Variants in FBLN7 observed in about 807,000 individuals in gnomAD.
FBLN7 encodes fibulin 7.
A neutral mutation model predicts 44.0 loss-of-function variants in FBLN7; 31 were observed. That is an observed-to-expected ratio of 0.70 (90% CI 0.53 to 0.95). The LOEUF (loss-of-function observed/expected upper bound fraction) is 0.95, where lower values mean the gene tolerates loss of function less well. Among genes scored for constraint, FBLN7 ranks in the 40% least tolerant of loss-of-function variants. FBLN7 has a pLI of 0.00. For missense variants in FBLN7, 573 were observed against 618.5 expected, an observed-to-expected ratio of 0.93 and a Z score of 0.78; for synonymous variants, 262 against 253.4, an observed-to-expected ratio of 1.03 and a Z score of -0.32.
intron 3 of FBLN7, among the ~76,000 whole-genome samples, chr2:112,175,022 A>T (rs1682665877): frequency 6.6e-6 from 1 of 152,044 alleles, no homozygotes; most frequent in Admixed American, 6.6e-5. Flanking sequence ...AGAGAAAAAA[A>T]GTCTACTGAG....
intron 2 of FBLN7, among the ~76,000 whole-genome samples, chr2:112,164,141 T>C (rs1682014923): frequency 6.6e-6 from 1 of 152,228 alleles, no homozygotes; most frequent in Admixed American, 6.5e-5. Context: ...TCCTGAGGGT[T>C]GGGTTTTGTC....
At chr2:112,210,502 A>G in the FBLN7 span, among the ~76,000 whole-genome samples, 2 of 151,914 alleles carry the variant, frequency 1.3e-5, no homozygotes, top group East Asian at 1.9e-4. Flanking sequence ...CTAAAAATAC[A>G]AAAATTAGCC....
chr2:112,163,508 C>G (rs982737090), intron 2 of FBLN7, among the ~76,000 whole-genome samples: 1 of 152,256 alleles, frequency 6.6e-6, no homozygotes, highest in East Asian at 1.9e-4. Flanking sequence ...ATTCCCTCGT[C>G]GCCCATGCGT....
intron 6 of FBLN7, among the ~76,000 whole-genome samples, chr2:112,184,292 G>A (rs1332562483): frequency 1.3e-5 from 2 of 152,216 alleles, no homozygotes; most frequent in Non-Finnish European, 2.9e-5. Flanking sequence ...GAGGGCAGAG[G>A]GCTCCTCCAT....
intron 3 of FBLN7, among the ~76,000 whole-genome samples, chr2:112,168,672 G>C (rs1682291716): frequency 6.6e-6 from 1 of 152,166 alleles, no homozygotes; most frequent in South Asian, 2.1e-4. Context: ...CGGGACACAG[G>C]CTGGAACTCA....
At chr2:112,196,420 C>T in the FBLN7 span, among the ~76,000 whole-genome samples, 1 of 123,942 alleles carries the variant, frequency 8.1e-6, no homozygotes, top group African/African-American at 3.0e-5. Flanking sequence ...TTTGCTCTGT[C>T]ACCCAGGCTG....
chr2:112,201,805 TAAG>T, the FBLN7 span, among the ~76,000 whole-genome samples: 2 of 152,196 alleles, frequency 1.3e-5, no homozygotes, highest in Admixed American at 6.5e-5. Flanking sequence ...TTGGCTGAAA[TAAG>T]GAGCATTTCT....
At chr2:112,221,512 G>A in the FBLN7 span, among the ~76,000 whole-genome samples, 2 of 152,078 alleles carry the variant, frequency 1.3e-5, no homozygotes, top group Non-Finnish European at 1.5e-5. Flanking sequence ...AAATTACCCA[G>A]TCTAAGGTAT....
chr2:112,160,221 A>G (rs1039321761), intron 2 of FBLN7, among the ~76,000 whole-genome samples: 2 of 152,048 alleles, frequency 1.3e-5, no homozygotes, highest in Admixed American at 6.5e-5. Flanking sequence ...CGATCTCCTG[A>G]CCTCGTGATC....
chr2:112,236,136 C>T, the FBLN7 span, among the ~76,000 whole-genome samples: 9 of 151,916 alleles, frequency 5.9e-5, no homozygotes, highest in South Asian at 2.1e-4. Flanking sequence ...TGGTGGCGGG[C>T]GCCTGTAGTC....
chr2:112,224,233 G>A, the FBLN7 span, among the ~76,000 whole-genome samples: 1 of 152,162 alleles, frequency 6.6e-6, no homozygotes, highest in Non-Finnish European at 1.5e-5. Context: ...GAACGTAAGG[G>A]TGGTTTAGTA....
At chr2:112,147,324 T>C (rs983018792) in intron 1 of FBLN7, among the ~76,000 whole-genome samples, 7 of 152,204 alleles carry the variant, frequency 4.6e-5, no homozygotes, top group African/African-American at 1.7e-4. Flanking sequence ...AGGCACCTAC[T>C]TCTAAATACT....
chr2:112,193,665 A>G, the FBLN7 span, among the ~76,000 whole-genome samples: 3 of 152,324 alleles, frequency 2.0e-5, no homozygotes, highest in East Asian at 5.8e-4. Context: ...GGCCAAATGT[A>G]TATCATCCAC....
chr2:112,140,894 G>A (rs1449568017), intron 1 of FBLN7, among the ~76,000 whole-genome samples: 1 of 152,188 alleles, frequency 6.6e-6, no homozygotes. Context: ...TAATTTTTCT[G>A]TTCTTGCCGT....
intron 1 of FBLN7, among the ~76,000 whole-genome samples, chr2:112,140,277 T>C (rs1375803256): frequency 0.019 from 864 of 46,124 alleles, no homozygotes; most frequent in Middle Eastern, 0.12. Flanking sequence ...TCTCTCCAGG[T>C]CAGTGTCCCT....
intron 5 of FBLN7, 166 bp downstream of exon 5, chr2:112,182,042 T>C: frequency 3.6e-6 from 3 of 839,392 alleles, no homozygotes; most frequent in Non-Finnish European, 1.7e-6. Flanking sequence ...TAGTGATGGC[T>C]AGAAGGCAGC....
chr2:112,160,753 C>T (rs1303494340), intron 2 of FBLN7, among the ~76,000 whole-genome samples: 3 of 36,964 alleles, frequency 8.1e-5, no homozygotes, highest in African/African-American at 4.3e-4. Flanking sequence ...CACGCGCACG[C>T]ACACACGCAC....
chr2:112,209,204 A>G, the FBLN7 span, among the ~76,000 whole-genome samples: 1 of 152,178 alleles, frequency 6.6e-6, no homozygotes, highest in Non-Finnish European at 1.5e-5. Context: ...AAATGAAGAA[A>G]ATGGGATGCA....
At chr2:112,173,614 C>G (rs7590958) in intron 3 of FBLN7, among the ~76,000 whole-genome samples, 3,252 of 152,280 alleles carry the variant, frequency 0.021, 113 homozygotes, top group African/African-American at 0.074. Flanking sequence ...AAATCCTTAG[C>G]TAGGCTTCAT....
Sources: allele counts gnomAD v4.1 joint callset (sites outside exome capture counted in the v4.1 genomes callset), GRCh38; gene constraint gnomAD v4.1.1; transcripts MANE v1.5; gene names NCBI Gene and HGNC (gene_info 2026-07-23, HGNC 2026-07-21).